F8: variants seen among roughly 807,000 people sequenced by gnomAD.
F8 encodes the protein antihemophilic factor.
In F8, 12 loss-of-function variants were observed where a neutral mutation model predicts 140.6. That is an observed-to-expected ratio of 0.09 (90% confidence interval 0.05 to 0.14). The LOEUF is 0.14. F8 is among the 10% of genes least tolerant of loss of function. The pLI is 1.00. For missense variants in F8, 1,354 were observed against 1,720.7 expected, an observed-to-expected ratio of 0.79 and a Z score of 3.77; for synonymous variants, 585 against 614.6, an observed-to-expected ratio of 0.95 and a Z score of 0.71.
chrX:155,016,385 C>T (rs1456843488), intron 1 of F8, among the ~76,000 whole-genome samples: 1 of 112,043 alleles, frequency 8.9e-6, no homozygotes, highest in Non-Finnish European at 1.9e-5. Flanking sequence ...GGCAGTTTCT[C>T]TTAAACATGC....
chrX:154,969,499 T>C lies in F8; in HGVS notation c.841A>G (p.Thr281Ala), dbSNP rs782316479. The change falls in exon 7 of 26, where the codon ACC becomes GCC. Residue 281 changes from threonine to alanine, a missense_variant. Transcript: ENST00000360256. The part of the protein sequence containing the change: ...SVYWHVIGMG[T>A]TPEVHSIFLE... Reference sequence around the variant, plus strand: ...AATATTGAGTGCACTTCAGGAGTGGTGCCCATTCCAATCACATGCCAATAG... The same window carrying C: ...AATATTGAGTGCACTTCAGGAGTGGCGCCCATTCCAATCACATGCCAATAG... 1 of 1,209,570 alleles carries C rather than the reference T, an allele frequency of 8.3e-7. No homozygotes were observed. The highest frequency in any genetic ancestry group is 1.8e-5 in the South Asian group (1 of 56,809).
At chrX:154,849,645 G>T (rs1370742990) in intron 25 of F8, among the ~76,000 whole-genome samples, 1 of 109,510 alleles carries the variant, frequency 9.1e-6, no homozygotes, top group South Asian at 3.9e-4. Flanking sequence ...GAAATATTTG[G>T]TCCATTCATA....
intron 22 of F8, among the ~76,000 whole-genome samples, chrX:154,895,657 G>C (rs2072974869): frequency 8.9e-6 from 1 of 111,854 alleles, no homozygotes; most frequent in African/African-American, 3.3e-5. Context: ...CACCTCTAGA[G>C]AATTCATCAA....
intron 22 of F8, among the ~76,000 whole-genome samples, chrX:154,876,399 A>T (rs951318891): frequency 9.0e-6 from 1 of 111,458 alleles, no homozygotes; most frequent in East Asian, 2.8e-4. Context: ...GATTACAGGC[A>T]TAAGCCACCG....
At chrX:154,862,853 G>A (rs781853562) in intron 23 of F8, among the ~76,000 whole-genome samples, 59 of 112,190 alleles carry the variant, frequency 5.3e-4, no homozygotes, top group Non-Finnish European at 8.1e-4. Context: ...ACATATGCGT[G>A]CATGTGTCTT....
intron 1 of F8, among the ~76,000 whole-genome samples, chrX:155,018,685 G>A (rs2073746566): frequency 8.9e-6 from 1 of 112,086 alleles, no homozygotes; most frequent in Non-Finnish European, 1.9e-5. Flanking sequence ...ATGCAACACT[G>A]TGGCAACAAA....
chrX:154,911,918 T>C (rs1431091080), intron 14 of F8, among the ~76,000 whole-genome samples: 1 of 112,547 alleles, frequency 8.9e-6, no homozygotes, highest in Non-Finnish European at 1.9e-5. Flanking sequence ...GAAATATCCA[T>C]TGTGCTTTTG....
At chrX:154,952,611 T>C (rs1557280826) in intron 12 of F8, among the ~76,000 whole-genome samples, 1 of 108,933 alleles carries the variant, frequency 9.2e-6, no homozygotes, top group Non-Finnish European at 1.9e-5. Context: ...GGCACGATCT[T>C]GGCTCACTGC....
At chrX:154,910,554 AAAGTAT>A (rs2073060815) in intron 14 of F8, among the ~76,000 whole-genome samples, 1 of 111,858 alleles carries the variant, frequency 8.9e-6, no homozygotes, top group South Asian at 3.8e-4. Context: ...CCTAGAACTT[AAAGTAT>A]AATAATAATA....
chrX:154,961,153 G>T lies in F8; in HGVS notation c.1459C>A (p.Gln487Lys). The T allele has an allele frequency of 1.7e-6, 2 of 1,170,775 alleles. No individual in the cohort carries two copies. The highest frequency in any genetic ancestry group is 1.8e-5 in the South Asian group (1 of 56,088). ...TAGATGTTATATGGTCTGCTTGCTT[G>T]ATTCTTAAATATAATCTGAAAGTAT... ...GDTLLIIFKN[Q>K]ASRPYNIYPH... Residue 487 changes from glutamine to lysine, a missense_variant, in exon 10 of 26, where the codon CAA (glutamine) becomes AAA (lysine). Physicochemically the swap from Gln to Lys is moderately conservative, Grantham distance 53. Around this residue, in one of 4 missense-constraint regions of F8, gnomAD observed 252 missense variants for 338.5 expected, o/e 0.74. Coordinates refer to ENST00000360256, the MANE Select transcript of F8 (RefSeq NM_000132.4).
rs782792896 is a variant in F8, at chrX:154,864,938, G to C, written c.6430-1711C>G. ...GGAAACTTATTTAAAGAAATAATAGGTGAGAACTCCCCAAATCTATGGAGG... is the reference window on the plus strand; with the variant it reads ...GGAAACTTATTTAAAGAAATAATAGCTGAGAACTCCCCAAATCTATGGAGG... On this transcript the variant is annotated intron_variant, in intron 22 of 25. Transcript: ENST00000360256. 8.1e-5 allele frequency among the ~76,000 whole-genome samples: 9 copies of C among 111,623 alleles called. No individual in the cohort carries two copies. In the East Asian group the frequency reaches 2.5e-3, roughly 31 times the overall value.
chrX:154,988,583 A>G (rs782587033), intron 4 of F8, among the ~76,000 whole-genome samples: 1 of 112,043 alleles, frequency 8.9e-6, no homozygotes, highest in Non-Finnish European at 1.9e-5. Flanking sequence ...CCTTGTGATC[A>G]TTGGTTGATT....
rs782318401 is a variant in F8, at chrX:154,930,950, G to C, written c.2840C>G (p.Pro947Arg). The C allele has an allele frequency of 3.4e-5, 40 of 1,193,927 alleles. 1 individual carries two copies. In the East Asian group the frequency reaches 4.8e-4, roughly 14 times the overall value. Residue 947 changes from proline to arginine, a missense_variant, in exon 14 of 26, where the codon CCC (proline) becomes CGC (arginine). Pro to Arg is a moderately radical substitution (Grantham distance 103). Around this residue, in one of 4 missense-constraint regions of F8, gnomAD observed 658 missense variants for 666.5 expected, o/e 0.99. Transcript: ENST00000360256. ...DTTLFGKKSS[P>R]LTESGGPLSL... ...CAGAGGTCCACCAGACTCAGTAAGGGGAGATGACTTTTTGCCAAATAGAGT... is the reference window on the plus strand; with the variant it reads ...CAGAGGTCCACCAGACTCAGTAAGGCGAGATGACTTTTTGCCAAATAGAGT...
At chrX:154,997,766 G>C (rs2073625343) in intron 2 of F8, among the ~76,000 whole-genome samples, 2 of 111,898 alleles carry the variant, frequency 1.8e-5, no homozygotes, top group Non-Finnish European at 3.8e-5. Flanking sequence ...GAATTTGGAT[G>C]AATTTGGATT....
At chrX:154,946,105 G>T (rs1469596338) in intron 13 of F8, among the ~76,000 whole-genome samples, 1 of 111,876 alleles carries the variant, frequency 8.9e-6, no homozygotes, top group Non-Finnish European at 1.9e-5. Flanking sequence ...AAACTGAAAA[G>T]GTATCTATCC....
Position 154,931,432 on chromosome X carries a change from C to A in F8, c.2358G>T (p.Glu786Asp). ...NATTIPENDIEKTDPWFAHRT... is the reference protein window; with the variant it reads ...NATTIPENDIDKTDPWFAHRT... The stretch of plus-strand genomic sequence containing the variant: ...TGTGTGCAAACCAAGGGTCAGTCTT[C>A]TCTATGTCATTTTCTGGAATTGTGG... The change falls in exon 14 of 26, where the codon GAG becomes GAT. Residue 786 changes from glutamate (E) to aspartate (D), a missense_variant. Physicochemically the swap from Glu to Asp is conservative, Grantham distance 45. Coordinates refer to ENST00000360256, the MANE Select transcript of F8 (RefSeq NM_000132.4). The A allele has an allele frequency of 8.3e-7, 1 of 1,210,859 alleles. No homozygotes were observed. The highest frequency in any genetic ancestry group is 1.1e-6 in the Non-Finnish European group (1 of 894,574).
chrX:154,994,527 T>C (rs781954838), intron 3 of F8, among the ~76,000 whole-genome samples: 1 of 112,619 alleles, frequency 8.9e-6, no homozygotes, highest in South Asian at 3.7e-4. Flanking sequence ...GTCCCTTTTT[T>C]TCTGACACTC....
At chrX:154,892,866 C>T (rs782731928) in intron 22 of F8, among the ~76,000 whole-genome samples, 3 of 111,523 alleles carry the variant, frequency 2.7e-5, no homozygotes, top group Admixed American at 9.5e-5. Context: ...TTATTATACC[C>T]GCCTCCCTTT....
At position 154,928,830 on chromosome X, in the gene F8, G is replaced by A. The variant is rs781867356; in HGVS notation, c.4960C>T (p.Leu1654=). 18 of 1,210,095 alleles carry A rather than the reference G, an allele frequency of 1.5e-5. No individual in the cohort carries two copies. The highest frequency in any genetic ancestry group is 1.1e-6 in the Non-Finnish European group (1 of 895,220). The change falls in exon 14 of 26, where the codon CTG becomes TTG. Residue 1654 remains leucine, a synonymous_variant. Transcript: ENST00000360256. The part of the protein sequence containing the change: ...TWAKQGRTER[L]CSQNPPVLKR... ...AAGACTGGTGGGTTTTGAGAGCACA[G>A]CCTTTCAGTCCTACCTTGCTTTGCC... is the stretch of plus-strand genomic sequence containing the variant.
Sources: gnomAD v4.1 joint callset for allele counts (sites outside exome capture counted in the v4.1 genomes callset) on GRCh38, gnomAD v4.1.1 for gene constraint, gnomAD v4.1.1 regional missense constraint, MANE v1.5 for transcripts, NCBI Gene and HGNC (gene_info 2026-07-23, HGNC 2026-07-21) for gene names.